The following TMEM178A variants were observed in gnomAD, a reference collection of about 807,000 sequenced individuals.
TMEM178A encodes transmembrane protein 178A, also known as transmembrane protein 178.
In TMEM178A, 12 loss-of-function variants were observed where a neutral mutation model predicts 29.1. That is an observed-to-expected ratio of 0.41 (90% CI 0.26 to 0.67). TMEM178A has a LOEUF of 0.67. TMEM178A is among the 30% of genes least tolerant of loss of function. TMEM178A has a pLI of 0.29. For missense variants in TMEM178A, 366 were observed against 419.1 expected (o/e 0.87, Z 1.11); for synonymous variants, 210 against 187.2 (o/e 1.12, Z -0.99).
At chr2:39,733,419 G>C in the TMEM178A span, among the ~76,000 whole-genome samples, 2 of 152,160 alleles carry the variant, frequency 1.3e-5, no homozygotes, top group Non-Finnish European at 2.9e-5. Flanking sequence ...GAACGAACAA[G>C]GTGCGGAATA....
intron 3 of TMEM178A, among the ~76,000 whole-genome samples, chr2:39,716,259 G>A (rs571405805): frequency 3.5e-4 from 53 of 152,324 alleles, no homozygotes; most frequent in Middle Eastern, 3.4e-3. Flanking sequence ...TAAAAATCCT[G>A]TGTTTGGGGC....
intron 1 of TMEM178A, among the ~76,000 whole-genome samples, chr2:39,688,630 GA>G (rs1229492376): frequency 1.1e-4 from 16 of 152,224 alleles, no homozygotes; most frequent in African/African-American, 3.9e-4. Flanking sequence ...AGGGTGGGCT[GA>G]AAAAGTAAAA....
At chr2:39,688,458 G>A (rs1671173380) in intron 1 of TMEM178A, among the ~76,000 whole-genome samples, 1 of 152,230 alleles carries the variant, frequency 6.6e-6, no homozygotes, top group African/African-American at 2.4e-5. Flanking sequence ...AATGGCTTTG[G>A]GATTTGGCTT....
At chr2:39,715,693 G>T (rs1169650736) in intron 3 of TMEM178A, among the ~76,000 whole-genome samples, 4 of 152,140 alleles carry the variant, frequency 2.6e-5, no homozygotes, top group Admixed American at 2.6e-4. Flanking sequence ...TTTTAATTTA[G>T]AACATTTATT....
intron 3 of TMEM178A, among the ~76,000 whole-genome samples, chr2:39,712,539 A>G (rs1672354596): frequency 6.6e-6 from 1 of 152,220 alleles, no homozygotes; most frequent in Non-Finnish European, 1.5e-5. Context: ...ATATTGGCAG[A>G]AAACCTTTTA....
chr2:39,702,464 C>T (rs964849865), intron 1 of TMEM178A, among the ~76,000 whole-genome samples: 1 of 151,972 alleles, frequency 6.6e-6, no homozygotes, highest in African/African-American at 2.4e-5. Context: ...TGATGAGTAC[C>T]AAATGGAATG....
rs1350887144 is a variant in TMEM178A at position 39,666,347 on chromosome 2, C to T, written c.373C>T (p.Arg125Trp). Residue 125 changes from arginine to tryptophan, a missense_variant, in exon 1 of 4, where the codon CGG becomes TGG. Arg to Trp is a moderately radical substitution (Grantham distance 101). Coordinates refer to ENST00000281961, the MANE Select transcript of TMEM178A (RefSeq NM_152390.3). The stretch of plus-strand genomic sequence containing the variant: ...GAAGTGCTACTTCCTGGGCATCGAC[C>T]GGGACATCGACACCCTCATCCTGAA... ...WRKCYFLGID[R>W]DIDTLILKGI... The T allele has an allele frequency of 4.2e-6, 6 of 1,443,526 alleles. No individual in the cohort carries two copies. Among genetic ancestry groups the T allele is most frequent in the African/African-American group, 2.9e-5 (2 of 67,978 alleles). The allele number at this position is 1,443,526 out of a possible 1,614,324, so 89.4% of individuals were successfully genotyped here. A position where few individuals can be genotyped will look rare whatever the true frequency, so the allele number is the denominator to read the frequency against.
rs117702001 is a variant in TMEM178A at position 39,709,191 on chromosome 2, C to A, written c.652+2005C>A. ...GTTGACGGGTAGGGGGTACTTTGCCCTCTGGCATGTTCAACCACCCTGCAG... is the reference window on the plus strand; with the variant it reads ...GTTGACGGGTAGGGGGTACTTTGCCATCTGGCATGTTCAACCACCCTGCAG... On this transcript the variant is annotated intron_variant, in intron 3 of 3. Transcript: ENST00000281961. 2.1e-4 allele frequency among the ~76,000 whole-genome samples: 32 copies of A among 152,330 alleles called. No individual in the cohort carries two copies. The East Asian group carries it at 2.9e-3, about 14-fold the overall frequency.
chr2:39,715,364 G>C (rs1217608415), intron 3 of TMEM178A, among the ~76,000 whole-genome samples: 2 of 152,290 alleles, frequency 1.3e-5, no homozygotes, highest in Admixed American at 1.3e-4. Context: ...TTTATTAAAA[G>C]GGCTTTGTTA....
At chr2:39,705,424 T>C (rs780490388) in intron 2 of TMEM178A, among the ~76,000 whole-genome samples, 13 of 152,178 alleles carry the variant, frequency 8.5e-5, no homozygotes, top group Non-Finnish European at 1.8e-4. Context: ...CATAGGAAAT[T>C]TGGGAGGCTG....
chr2:39,708,564 G>A (rs1042652269), intron 3 of TMEM178A, among the ~76,000 whole-genome samples: 6 of 150,476 alleles, frequency 4.0e-5, no homozygotes, highest in East Asian at 3.9e-4. Context: ...GACTACAGGC[G>A]CGCGCCACCA....
intron 3 of TMEM178A, among the ~76,000 whole-genome samples, chr2:39,707,821 A>C (rs1259294196): frequency 6.6e-6 from 1 of 152,210 alleles, no homozygotes; most frequent in African/African-American, 2.4e-5. Context: ...CTTGGCAAAC[A>C]TGGACCATTG....
In TMEM178A at chr2:39,717,155, C is replaced by T; in HGVS notation, c.798C>T (p.Gly266=). The T allele has an allele frequency of 6.2e-7, 1 of 1,613,082 alleles. No homozygotes were observed. Among genetic ancestry groups the T allele is most frequent in the Non-Finnish European group, 8.5e-7 (1 of 1,179,852 alleles). The change falls in exon 4 of 4, where the codon GGC becomes GGT. Residue 266 remains glycine, a synonymous_variant. Coordinates refer to ENST00000281961, the MANE Select transcript of TMEM178A (RefSeq NM_152390.3). ...WSIFCAWCSL[G]FIVAAGGLCI... ...TCTTTTGCGCCTGGTGCAGTTTAGG[C>T]TTTATTGTGGCAGCTGGAGGTCTCT...
intron 1 of TMEM178A, among the ~76,000 whole-genome samples, chr2:39,667,871 G>A (rs1388811683): frequency 6.6e-6 from 1 of 152,194 alleles, no homozygotes; most frequent in Non-Finnish European, 1.5e-5. Flanking sequence ...TCTGATAGTA[G>A]CATAGTACAT....
intron 3 of TMEM178A, among the ~76,000 whole-genome samples, chr2:39,712,200 G>A (rs1672340672): frequency 1.3e-5 from 2 of 152,246 alleles, no homozygotes; most frequent in East Asian, 1.9e-4. Flanking sequence ...AGATCAGAAC[G>A]ATGGGCAGGC....
downstream of TMEM178A, among the ~76,000 whole-genome samples, chr2:39,722,118 G>A (rs986824973): frequency 6.6e-6 from 1 of 151,530 alleles, no homozygotes; most frequent in Admixed American, 6.6e-5. Flanking sequence ...GAACCCAGGA[G>A]ACAAAATTGT....
At chr2:39,733,516 G>T in the TMEM178A span, among the ~76,000 whole-genome samples, 1 of 152,160 alleles carries the variant, frequency 6.6e-6, no homozygotes, top group African/African-American at 2.4e-5. Flanking sequence ...GACAGTGCCT[G>T]TTGTGTAACT....
chr2:39,707,246 C>T, intron 3 of TMEM178A, 60 bp downstream of exon 3: 1 of 1,524,400 alleles, frequency 6.6e-7, no homozygotes, highest in East Asian at 2.3e-5. Context: ...CTGCATGCGG[C>T]TAGCTAGTGT....
At chr2:39,700,904 G>C (rs1671751730) in intron 1 of TMEM178A, among the ~76,000 whole-genome samples, 1 of 150,344 alleles carries the variant, frequency 6.7e-6, no homozygotes, top group Admixed American at 6.6e-5. Context: ...ATCTAGTTTG[G>C]ATTAATACCA....
Sources: gnomAD v4.1 joint callset for allele counts (sites outside exome capture counted in the v4.1 genomes callset) on GRCh38, gnomAD v4.1.1 for gene constraint, MANE v1.5 for transcripts, NCBI Gene and HGNC (gene_info 2026-07-23, HGNC 2026-07-21) for gene names.